Variants in HOMER1 observed in about 807,000 individuals in gnomAD.
HOMER1 encodes the protein homer protein homolog 1.
A neutral mutation model predicts 48.9 loss-of-function variants in HOMER1; 3 were observed. That is an observed-to-expected ratio of 0.06 (90% CI 0.03 to 0.16). The LOEUF is 0.16. Among genes scored for constraint, HOMER1 ranks in the 10% least tolerant of loss-of-function variants. The pLI is 1.00. For synonymous variants in HOMER1, 134 were observed against 146.4 expected (o/e 0.92, Z 0.61); for missense variants, 247 against 411.4 (o/e 0.60, Z 3.46).
chr5:79,468,297 A>G (rs1751531893), intron 1 of HOMER1, among the ~76,000 whole-genome samples: 1 of 152,224 alleles, frequency 6.6e-6, no homozygotes, highest in Non-Finnish European at 1.5e-5. Flanking sequence ...TTCCAACAGA[A>G]ATTTTATGAA....
At chr5:79,395,542 G>A (rs1215093198) in intron 8 of HOMER1, among the ~76,000 whole-genome samples, 1 of 152,126 alleles carries the variant, frequency 6.6e-6, no homozygotes, top group Non-Finnish European at 1.5e-5. Flanking sequence ...ATTTAATAGG[G>A]CCAACCAAAA....
At chr5:79,481,617 G>A (rs1215467072) in intron 1 of HOMER1, among the ~76,000 whole-genome samples, 1 of 152,192 alleles carries the variant, frequency 6.6e-6, no homozygotes, top group Non-Finnish European at 1.5e-5. Context: ...CAGCTAAGTA[G>A]TGATCAGTAC....
chr5:79,446,921 TG>T (rs1750902371), intron 4 of HOMER1, 131 bp downstream of exon 4: 12 of 593,144 alleles, frequency 2.0e-5, no homozygotes, highest in Non-Finnish European at 3.3e-5. Flanking sequence ...ATCAAAGTCC[TG>T]GGATTACAGG....
rs1402033595 is a variant in HOMER1, at chr5:79,404,521, G to A, written c.528-2466C>T. On this transcript the variant is annotated intron_variant, in intron 5 of 8. Coordinates refer to ENST00000334082, the MANE Select transcript of HOMER1 (RefSeq NM_004272.5). ...AATATTAGCATGTGGCTATTTAAAT[G>A]TAATACTTCAAAATTAAAGTAAAAA... is the stretch of plus-strand genomic sequence containing the variant. 2.6e-5 allele frequency among the ~76,000 whole-genome samples: 4 copies of A among 152,120 alleles called. 1 individual carries two copies. Among genetic ancestry groups the A allele is most frequent in the Admixed American group, 6.5e-5 (1 of 15,272 alleles).
chr5:79,396,761 G>A, intron 8 of HOMER1, 62 bp downstream of exon 8: 1 of 936,632 alleles, frequency 1.1e-6, no homozygotes, highest in Non-Finnish European at 1.7e-6. Context: ...AAAAGTCAGT[G>A]CTATGTGAAA....
At chr5:79,385,591 T>C (rs1749088438) in intron 8 of HOMER1, among the ~76,000 whole-genome samples, 1 of 152,062 alleles carries the variant, frequency 6.6e-6, no homozygotes, top group South Asian at 2.1e-4. Flanking sequence ...CCTATGGTCC[T>C]AGCACTGTGG....
intron 1 of HOMER1, among the ~76,000 whole-genome samples, chr5:79,472,129 T>C (rs981037303): frequency 3.3e-5 from 5 of 152,210 alleles, no homozygotes; most frequent in Non-Finnish European, 7.3e-5. Flanking sequence ...GTTCTAATCA[T>C]TGCTGTATCC....
At position 79,415,106 on chromosome 5, in the gene HOMER1, T is replaced by C. The variant is rs561453555; in HGVS notation, c.528-13051A>G. ...TCTCACTCTGTCACTCAAGCAGGAG[T>C]GCAGTGGTGCAATCATGGCTCACTG... On this transcript the variant is annotated intron_variant, in intron 5 of 8. Transcript: ENST00000334082. Among the ~76,000 whole-genome samples the C allele has an allele frequency of 8.5e-5, 13 of 152,120 alleles. No individual in the cohort carries two copies. In the South Asian group the frequency reaches 2.1e-3, roughly 24 times the overall value.
chr5:79,440,376 CTA>C (rs1750706925), intron 4 of HOMER1, among the ~76,000 whole-genome samples: 1 of 152,128 alleles, frequency 6.6e-6, no homozygotes, highest in South Asian at 2.1e-4. Context: ...AGTATTTTAA[CTA>C]ATGGTTCCAT....
intron 5 of HOMER1, among the ~76,000 whole-genome samples, chr5:79,419,619 C>T (rs897106797): frequency 9.9e-5 from 15 of 151,736 alleles, no homozygotes; most frequent in African/African-American, 3.4e-4. Context: ...GATCTGGAAG[C>T]GTATCTGCCA....
chr5:79,386,947 T>TCCCCTCCCTTCCTTCC, intron 8 of HOMER1, among the ~76,000 whole-genome samples: 1 of 67,344 alleles, frequency 1.5e-5, no homozygotes, highest in African/African-American at 6.7e-5. Context: ...CCTTCCTTCC[T>TCCCCTCCCTTCCTTCC]TTCCTTTCTT....
intron 8 of HOMER1, among the ~76,000 whole-genome samples, chr5:79,393,130 C>G (rs1749296590): frequency 6.6e-6 from 1 of 151,982 alleles, no homozygotes; most frequent in Non-Finnish European, 1.5e-5. Context: ...AAAAGTTTAA[C>G]TAAAGAACTT....
intron 8 of HOMER1, among the ~76,000 whole-genome samples, chr5:79,392,954 G>GGAGAGGGAGAGA (rs1749289190): frequency 7.1e-6 from 1 of 140,880 alleles, no homozygotes; most frequent in African/African-American, 2.7e-5. Context: ...GAAGGGAAAG[G>GGAGAGGGAGAGA]GAGAGAGAGA....
Position 79,480,331 on chromosome 5 carries a change from C to G in HOMER1, c.6-23313G>C, listed in dbSNP as rs926404210. ...AGTCTCATTTACATTTCAAACAACTCTAAGATATAAAAGTAGATTTAAAAA... is the reference window on the plus strand; with the variant it reads ...AGTCTCATTTACATTTCAAACAACTGTAAGATATAAAAGTAGATTTAAAAA... On this transcript the variant is annotated intron_variant, in intron 1 of 8. Coordinates refer to ENST00000334082, the MANE Select transcript of HOMER1 (RefSeq NM_004272.5). Among the ~76,000 whole-genome samples, 3 of 152,178 alleles carry G rather than the reference C, an allele frequency of 2.0e-5. No homozygotes were observed. The South Asian group carries it at 6.2e-4, about 32-fold the overall frequency.
intron 1 of HOMER1, among the ~76,000 whole-genome samples, chr5:79,490,337 C>T (rs1054739388): frequency 6.6e-6 from 1 of 152,054 alleles, no homozygotes; most frequent in African/African-American, 2.4e-5. Context: ...AATAAATTGA[C>T]AATACCTGAC....
intron 4 of HOMER1, among the ~76,000 whole-genome samples, chr5:79,442,753 C>CT (rs1334515087): frequency 6.6e-6 from 1 of 152,140 alleles, no homozygotes; most frequent in Non-Finnish European, 1.5e-5. Flanking sequence ...GAGGGCCTGA[C>CT]AGAAAAACTG....
At chr5:79,411,220 G>A (rs925196825) in intron 5 of HOMER1, among the ~76,000 whole-genome samples, 2 of 152,144 alleles carry the variant, frequency 1.3e-5, no homozygotes, top group Non-Finnish European at 2.9e-5. Flanking sequence ...CACAGTGGCT[G>A]ATGCCTATAA....
chr5:79,438,353 A>T (rs1750649918), intron 5 of HOMER1, among the ~76,000 whole-genome samples: 2 of 152,232 alleles, frequency 1.3e-5, no homozygotes, highest in South Asian at 4.1e-4. Context: ...AAATACACCA[A>T]GTATGGCCAA....
intron 2 of HOMER1, among the ~76,000 whole-genome samples, chr5:79,452,030 C>T (rs1751042253): frequency 6.6e-6 from 1 of 152,086 alleles, no homozygotes; most frequent in Non-Finnish European, 1.5e-5. Flanking sequence ...GAGATTGGTT[C>T]CGGGACCCCT....
Sources: gnomAD v4.1 joint callset for allele counts (sites outside exome capture counted in the v4.1 genomes callset) on GRCh38, gnomAD v4.1.1 for gene constraint, MANE v1.5 for transcripts, NCBI Gene and HGNC (gene_info 2026-07-23, HGNC 2026-07-21) for gene names.